The following FAM107B variants were observed in gnomAD, a reference collection of about 807,000 sequenced individuals.
FAM107B encodes protein FAM107B.
In FAM107B, 21 loss-of-function variants were observed where a neutral mutation model predicts 31.5. That is an observed-to-expected ratio of 0.67 (90% confidence interval 0.47 to 0.96). The LOEUF is 0.96. Ranked by LOEUF, FAM107B falls within the 40% of genes least tolerant of loss-of-function variation. The pLI, the probability that FAM107B is intolerant of heterozygous loss-of-function variation, is 0.00. For synonymous variants in FAM107B, 157 were observed against 141.5 expected (o/e 1.11, Z -0.78); for missense variants, 452 against 377.1 (o/e 1.20, Z -1.64).
intron 1 of FAM107B, among the ~76,000 whole-genome samples, chr10:14,678,955 G>A (rs549192829): frequency 1.1e-3 from 163 of 152,292 alleles, no homozygotes; most frequent in African/African-American, 3.8e-3. Flanking sequence ...ATTGTGAAAA[G>A]TGCCAAGAAC....
At chr10:14,639,843 C>A (rs1853588310) in intron 2 of FAM107B, among the ~76,000 whole-genome samples, 1 of 152,204 alleles carries the variant, frequency 6.6e-6, no homozygotes, top group African/African-American at 2.4e-5. Flanking sequence ...ATGACTTGCA[C>A]CTTCCTCCTT....
At chr10:14,679,327 C>T (rs1588701035) in intron 1 of FAM107B, among the ~76,000 whole-genome samples, 1 of 152,122 alleles carries the variant, frequency 6.6e-6, no homozygotes, top group East Asian at 1.9e-4. Flanking sequence ...AACAGGGTCT[C>T]ACTATGTTGT....
chr10:14,746,981 T>A (rs1321845524), intron 1 of FAM107B, among the ~76,000 whole-genome samples: 1 of 152,206 alleles, frequency 6.6e-6, no homozygotes, highest in Non-Finnish European at 1.5e-5. Context: ...TTGGAGGTGT[T>A]GTTCATTCCT....
In FAM107B at chr10:14,607,560, G is replaced by A. The variant is rs963928938; in HGVS notation, c.469+60074C>T. 6.6e-5 allele frequency among the ~76,000 whole-genome samples: 10 copies of A among 152,132 alleles called. No homozygotes were observed. In the East Asian group the frequency reaches 7.7e-4, roughly 12 times the overall value. ...GATGCTTGTTGAATGAATAAGCCTCGTACTTCCCAGGGTTATAACAGGCAA... is the reference window on the plus strand; with the variant it reads ...GATGCTTGTTGAATGAATAAGCCTCATACTTCCCAGGGTTATAACAGGCAA... On this transcript the variant is annotated intron_variant, in intron 2 of 4. Transcript: ENST00000181796.
chr10:14,606,537 A>T (rs1449455542), intron 2 of FAM107B, among the ~76,000 whole-genome samples: 3 of 152,180 alleles, frequency 2.0e-5, no homozygotes, highest in Admixed American at 6.5e-5. Context: ...TCATATGTTG[A>T]AGCCCTAACC....
intron 1 of FAM107B, among the ~76,000 whole-genome samples, chr10:14,690,667 T>C (rs957582346): frequency 1.3e-5 from 2 of 152,114 alleles, no homozygotes; most frequent in African/African-American, 4.8e-5. Context: ...TTAGCCAGGA[T>C]GGTCTCGATC....
At chr10:14,643,662 G>A (rs1403562568) in intron 2 of FAM107B, among the ~76,000 whole-genome samples, 5 of 152,124 alleles carry the variant, frequency 3.3e-5, no homozygotes, top group Middle Eastern at 3.4e-3. Flanking sequence ...TGCCCACCTC[G>A]GCCTCCCAAA....
At chr10:14,570,234 GT>G (rs755153827) in intron 2 of FAM107B, among the ~76,000 whole-genome samples, 7,915 of 37,496 alleles carry the variant, frequency 0.21, 240 homozygotes, top group Non-Finnish European at 0.23. Context: ...AATGTGGTGG[GT>G]GTGTGTGTGT....
intron 1 of FAM107B, among the ~76,000 whole-genome samples, chr10:14,676,478 G>T (rs1335050790): frequency 6.6e-6 from 1 of 152,158 alleles, no homozygotes; most frequent in African/African-American, 2.4e-5. Context: ...TTAAACAATT[G>T]TTAAATGAAT....
intron 2 of FAM107B, among the ~76,000 whole-genome samples, chr10:14,601,431 T>G (rs1347606034): frequency 2.6e-5 from 4 of 152,038 alleles, no homozygotes; most frequent in Non-Finnish European, 5.9e-5. Context: ...AATGGTTTGT[T>G]TCAAGAAGGA....
rs573103391 is a variant in FAM107B at position 14,759,262 on chromosome 10, C to T, written c.411+14991G>A. Among the ~76,000 whole-genome samples, 210 of 152,284 alleles carry T rather than the reference C, an allele frequency of 1.4e-3. 2 individuals carry two copies. The South Asian group carries it at 0.04, about 29-fold the overall frequency. On this transcript the variant is annotated intron_variant, in intron 1 of 4. Transcript: ENST00000181796. ...TCTGGGCTGCTGACATGCATTCCCA[C>T]GTAGGTGAAAGAAGTATAGAACAAA...
intron 2 of FAM107B, among the ~76,000 whole-genome samples, chr10:14,535,032 A>G (rs1241829499): frequency 1.4e-4 from 21 of 152,230 alleles, no homozygotes; most frequent in Admixed American, 1.4e-3. Context: ...CAGGAGCCTG[A>G]GAGTAAAGAT....
At chr10:14,564,748 C>T (rs1850522503) in intron 2 of FAM107B, among the ~76,000 whole-genome samples, 1 of 152,182 alleles carries the variant, frequency 6.6e-6, no homozygotes, top group African/African-American at 2.4e-5. Flanking sequence ...CATTTATTTC[C>T]TGTTACAGCT....
intron 1 of FAM107B, among the ~76,000 whole-genome samples, chr10:14,697,330 A>C (rs1049654613): frequency 1.3e-5 from 2 of 152,232 alleles, no homozygotes; most frequent in Non-Finnish European, 2.9e-5. Flanking sequence ...ATGGAGGCAG[A>C]ACAGTTCCTT....
chr10:14,582,149 C>A (rs1294192620), intron 2 of FAM107B, among the ~76,000 whole-genome samples: 1 of 152,066 alleles, frequency 6.6e-6, no homozygotes, highest in African/African-American at 2.4e-5. Flanking sequence ...CATGGGTTAC[C>A]AAAGGGATCC....
intron 1 of FAM107B, among the ~76,000 whole-genome samples, chr10:14,708,380 C>T (rs894029397): frequency 8.5e-5 from 13 of 152,056 alleles, no homozygotes; most frequent in African/African-American, 1.7e-4. Context: ...CGCACCTGGC[C>T]CACCTTAGGA....
At chr10:14,622,947 C>T (rs77661988) in intron 2 of FAM107B, among the ~76,000 whole-genome samples, 1,627 of 152,234 alleles carry the variant, frequency 0.011, 12 homozygotes, top group Non-Finnish European at 0.018. Context: ...TCTAGTTTGC[C>T]TCTTCAAAGG....
At chr10:14,535,664 C>T (rs1399380865) in intron 2 of FAM107B, among the ~76,000 whole-genome samples, 2 of 152,190 alleles carry the variant, frequency 1.3e-5, no homozygotes, top group East Asian at 3.8e-4. Flanking sequence ...CAGAGTGGGG[C>T]AGGAAACAGA....
chr10:14,559,802 C>T (rs1357986122), intron 2 of FAM107B, among the ~76,000 whole-genome samples: 1 of 151,408 alleles, frequency 6.6e-6, no homozygotes, highest in Non-Finnish European at 1.5e-5. Context: ...ATCTCCTGAC[C>T]TCGTGATCCG....
Sources: allele counts gnomAD v4.1 joint callset (sites outside exome capture counted in the v4.1 genomes callset), GRCh38; gene constraint gnomAD v4.1.1; transcripts MANE v1.5; gene names NCBI Gene and HGNC (gene_info 2026-07-23, HGNC 2026-07-21).